SLCO1B3: variants seen among roughly 807,000 people sequenced by gnomAD.
SLCO1B3 encodes the protein liver-specific organic anion transporter 2.
Under a neutral mutation model 71.8 loss-of-function variants are expected in SLCO1B3, and 72 were observed. The ratio of observed to expected loss-of-function variants is 1.00; its 90% CI spans 0.83 to 1.22. The LOEUF is 1.22. Ranked by LOEUF, SLCO1B3 falls within the 50% of genes most tolerant of loss-of-function variation. SLCO1B3 has a pLI of 0.00. For synonymous variants in SLCO1B3, 298 were observed against 278.4 expected (o/e 1.07, Z -0.70); for missense variants, 911 against 819.7 (o/e 1.11, Z -1.36).
chr12:20,841,001 G>A (rs1588917), intron 3 of SLCO1B3, among the ~76,000 whole-genome samples: 110,125 of 152,068 alleles, frequency 0.72, 42,457 homozygotes, highest in South Asian at 0.9. Context: ...AAAAAAGGGG[G>A]TCCTTGAATT....
At chr12:20,866,130 T>C (rs1865369832) in intron 8 of SLCO1B3, among the ~76,000 whole-genome samples, 1 of 152,088 alleles carries the variant, frequency 6.6e-6, no homozygotes, top group African/African-American at 2.4e-5. Flanking sequence ...GTGAGCCGTA[T>C]GAAGTACCAC....
intron 3 of SLCO1B3, among the ~76,000 whole-genome samples, chr12:20,850,060 T>C (rs1864994400): frequency 6.9e-6 from 1 of 145,952 alleles, no homozygotes; most frequent in Non-Finnish European, 1.5e-5. Flanking sequence ...CTTGCAGACA[T>C]GGAAAAATCC....
At chr12:20,816,947 A>G (rs1168439148) in intron 3 of SLCO1B3, among the ~76,000 whole-genome samples, 4 of 152,208 alleles carry the variant, frequency 2.6e-5, no homozygotes, top group African/African-American at 9.6e-5. Context: ...TTCTCTGATG[A>G]TCACTGATGT....
chr12:20,913,501 A>T (rs1052899765), intron 15 of SLCO1B3, among the ~76,000 whole-genome samples: 1 of 152,150 alleles, frequency 6.6e-6, no homozygotes, highest in Non-Finnish European at 1.5e-5. Flanking sequence ...CTGTTTTGTA[A>T]AAGGATAATA....
In SLCO1B3 at chr12:20,838,409, T is replaced by G. The variant is rs149632902; in HGVS notation, c.85-16619T>G. On this transcript the variant is annotated intron_variant, in intron 3 of 15. Transcript: ENST00000381545. ...CCTTGTTACTTGATTTACTGTCACC[T>G]TCTATCTTTTAGTTGGTGCATTTAG... Among the ~76,000 whole-genome samples, 4 of 152,190 alleles carry G rather than the reference T, an allele frequency of 2.6e-5. No individual in the cohort carries two copies. The East Asian group carries it at 5.8e-4, about 22-fold the overall frequency.
At chr12:20,880,691 CTCTA>C (rs199884318) in intron 11 of SLCO1B3, among the ~76,000 whole-genome samples, 160 bp from the exon 12 acceptor site, 3 of 152,054 alleles carry the variant, frequency 2.0e-5, no homozygotes, top group Admixed American at 2.0e-4. Context: ...AATCAAATTT[CTCTA>C]TCTAATTAAA....
At chr12:20,825,939 A>T (rs776940486) in intron 3 of SLCO1B3, among the ~76,000 whole-genome samples, 2 of 152,130 alleles carry the variant, frequency 1.3e-5, no homozygotes, top group African/African-American at 2.4e-5. Flanking sequence ...TTCTAAGCAA[A>T]TAAAAACTTA....
At chr12:20,818,134 A>G (rs555101107) in intron 3 of SLCO1B3, among the ~76,000 whole-genome samples, 35 of 152,298 alleles carry the variant, frequency 2.3e-4, no homozygotes, top group African/African-American at 8.2e-4. Context: ...AGGAGCGTCT[A>G]TACAGGAGCT....
intron 15 of SLCO1B3, among the ~76,000 whole-genome samples, chr12:20,909,296 G>A (rs1474937777): frequency 6.7e-6 from 1 of 148,600 alleles, no homozygotes; most frequent in African/African-American, 2.5e-5. Flanking sequence ...CTCCCGAGTA[G>A]CTGGGACTAC....
intron 15 of SLCO1B3, among the ~76,000 whole-genome samples, chr12:20,903,088 A>AAAAAAAAC (rs1866162507): frequency 6.6e-6 from 1 of 151,332 alleles, no homozygotes; most frequent in Non-Finnish European, 1.5e-5. Flanking sequence ...AAAAAAAAAA[A>AAAAAAAAC]TCAATGCAAA....
chr12:20,841,935 A>G (rs1403118016), intron 3 of SLCO1B3, among the ~76,000 whole-genome samples: 1 of 149,068 alleles, frequency 6.7e-6, no homozygotes, highest in Non-Finnish European at 1.5e-5. Flanking sequence ...CCCAGGCTAG[A>G]GTGCAGTGGA....
intron 13 of SLCO1B3, among the ~76,000 whole-genome samples, chr12:20,887,511 GTCT>G (rs1374271808): frequency 6.6e-6 from 1 of 151,804 alleles, no homozygotes; most frequent in Non-Finnish European, 1.5e-5. Flanking sequence ...CCATTTGTAT[GTCT>G]TCTTTTGAAA....
At chr12:20,882,679 C>T (rs373020792) in intron 12 of SLCO1B3, among the ~76,000 whole-genome samples, 62 of 152,254 alleles carry the variant, frequency 4.1e-4, no homozygotes, top group African/African-American at 1.4e-3. Context: ...GCTGGGATTA[C>T]AGGTGTGAGT....
intron 4 of SLCO1B3, among the ~76,000 whole-genome samples, chr12:20,857,253 G>A (rs746371929): frequency 9.9e-5 from 15 of 151,922 alleles, no homozygotes; most frequent in African/African-American, 1.7e-4. Context: ...ATCTTTCTAC[G>A]TTATTTCTGC....
At position 20,877,835 on chromosome 12, in the gene SLCO1B3, C is replaced by T. The variant is rs1591776244; in HGVS notation, c.1034C>T (p.Thr345Ile). Residue 345 changes from threonine to isoleucine, a missense_variant, in exon 10 of 16, where the codon ACA becomes ATA. Coordinates refer to ENST00000381545, the MANE Select transcript of SLCO1B3 (RefSeq NM_019844.4). ...CTGTATGTTATATTTCTGCTTTTGA[C>T]ATTGTTACAAGTAAGCAGCTTTATT... The part of the protein sequence containing the change: ...NPLYVIFLLL[T>I]LLQVSSFIGS... 2 of 1,575,804 alleles carry T rather than the reference C, an allele frequency of 1.3e-6. No homozygotes were observed. Among genetic ancestry groups the T allele is most frequent in the South Asian group, 1.2e-5 (1 of 84,078 alleles).
intron 13 of SLCO1B3, among the ~76,000 whole-genome samples, chr12:20,884,156 T>C (rs1865747961): frequency 6.6e-6 from 1 of 152,150 alleles, no homozygotes; most frequent in East Asian, 1.9e-4. Flanking sequence ...AGACAGGATA[T>C]GATGTTCGAT....
rs1565598216 is a variant in SLCO1B3, at chr12:20,875,424, A to G, written c.917A>G (p.Asn306Ser). The change falls in exon 9 of 16, where the codon AAT (asparagine) becomes AGT (serine). Residue 306 changes from asparagine (N) to serine (S), a missense_variant. By Grantham distance (46) the Asn-to-Ser change is conservative (BLOSUM62 1). Transcript: ENST00000381545. ...GTGCTGAAAACAAATGATGATAGAA[A>G]TCAAACAGCTAATTTGACCAACCAA... ...LHVLKTNDDR[N>S]QTANLTNQGK... is the part of the protein sequence containing the mutation. 1 of 1,607,496 alleles carries G rather than the reference A, an allele frequency of 6.2e-7. No homozygotes were observed.
At chr12:20,900,677 C>T (rs1273130295) in intron 14 of SLCO1B3, among the ~76,000 whole-genome samples, 1 of 152,054 alleles carries the variant, frequency 6.6e-6, no homozygotes, top group Non-Finnish European at 1.5e-5. Flanking sequence ...GCCCAGGTTG[C>T]TTTAGGAGGT....
At chr12:20,884,728 TAGTTGATCGGA>T (rs1189265623) in intron 13 of SLCO1B3, among the ~76,000 whole-genome samples, 3 of 151,678 alleles carry the variant, frequency 2.0e-5, no homozygotes, top group Non-Finnish European at 4.4e-5. Context: ...TAAAACCTAC[TAGTTGATCGGA>T]AGTTCATGGC....
Sources: allele counts gnomAD v4.1 joint callset (sites outside exome capture counted in the v4.1 genomes callset), GRCh38; gene constraint gnomAD v4.1.1; transcripts MANE v1.5; gene names NCBI Gene and HGNC (gene_info 2026-07-23, HGNC 2026-07-21).